IARS2: variants seen among roughly 807,000 people sequenced by gnomAD.
IARS2 encodes isoleucine--tRNA ligase, mitochondrial.
IARS2 carries 56 observed loss-of-function variants against 126.3 expected under a neutral mutation model. The ratio of observed to expected loss-of-function variants is 0.44; its 90% CI spans 0.36 to 0.55. IARS2 has a LOEUF of 0.55. IARS2 is among the 20% of genes least tolerant of loss of function. IARS2 has a pLI of 0.00. For synonymous variants in IARS2, 407 were observed against 441.1 expected (o/e 0.92, Z 0.97); for missense variants, 1,127 against 1,245.9 (o/e 0.90, Z 1.44).
chr1:220,123,396 A>G (rs1166208742), intron 12 of IARS2, among the ~76,000 whole-genome samples: 5 of 152,092 alleles, frequency 3.3e-5, no homozygotes, highest in East Asian at 1.9e-4. Flanking sequence ...TTTAAAATCT[A>G]TCCTTCATAG....
chr1:220,114,760 G>A (rs755858370), intron 12 of IARS2, among the ~76,000 whole-genome samples: 15 of 152,154 alleles, frequency 9.9e-5, no homozygotes, highest in Non-Finnish European at 2.2e-4. Context: ...GATGGACAGT[G>A]TTTAGCAGGG....
At chr1:220,098,178 C>T (rs1656488971) in intron 2 of IARS2, among the ~76,000 whole-genome samples, 1 of 152,194 alleles carries the variant, frequency 6.6e-6, no homozygotes, top group South Asian at 2.1e-4. Context: ...TGAGCCACTG[C>T]ACCCGGCCAA....
intron 12 of IARS2, 99 bp from the exon 13 acceptor site, chr1:220,125,138 A>G (rs1048109171): frequency 1.5e-4 from 95 of 639,160 alleles, no homozygotes; most frequent in Admixed American, 3.7e-4. Context: ...CTAAGGTTTG[A>G]GGAAAAAGGA....
chr1:220,127,340 T>C (rs992963281), intron 14 of IARS2, among the ~76,000 whole-genome samples: 1 of 152,216 alleles, frequency 6.6e-6, no homozygotes, highest in Non-Finnish European at 1.5e-5. Context: ...TTCTCCTCTC[T>C]GTACAAACAG....
At chr1:220,107,993 G>A (rs1656715787) in intron 10 of IARS2, among the ~76,000 whole-genome samples, 1 of 152,070 alleles carries the variant, frequency 6.6e-6, no homozygotes, top group Non-Finnish European at 1.5e-5. Context: ...CTGTGTCCTG[G>A]GTTCAAGTGA....
intron 7 of IARS2, 70 bp downstream of exon 7, chr1:220,102,847 ATTTAT>A (rs1291626776): frequency 2.3e-6 from 2 of 861,288 alleles, no homozygotes; most frequent in Non-Finnish European, 3.8e-6. Flanking sequence ...ATTATTTTGA[ATTTAT>A]TTTATCCTGT....
chr1:220,099,819 C>G (rs973484110), intron 2 of IARS2, among the ~76,000 whole-genome samples: 2 of 151,960 alleles, frequency 1.3e-5, no homozygotes, highest in Admixed American at 6.6e-5. Context: ...ATGTGACAAC[C>G]ACTCAGATCA....
At chr1:220,143,388 G>A (rs1051930827) in intron 21 of IARS2, 52 of 267,704 alleles carry the variant, frequency 1.9e-4, no homozygotes, top group Admixed American at 3.8e-4. Flanking sequence ...TAGGGTTTCC[G>A]TCTTCTAATC....
chr1:220,138,506 T>C (rs1657426357), intron 17 of IARS2, among the ~76,000 whole-genome samples: 1 of 152,030 alleles, frequency 6.6e-6, no homozygotes, highest in Admixed American at 6.6e-5. Flanking sequence ...ATTTATTTGT[T>C]TCAAAACATT....
At chr1:220,137,821 C>T in intron 16 of IARS2, 97 bp from the exon 17 acceptor site, 1 of 1,367,332 alleles carries the variant, frequency 7.3e-7, no homozygotes, top group South Asian at 1.2e-5. Flanking sequence ...TTACATTGTG[C>T]TCAAAAATAT....
chr1:220,140,094 T>A, intron 18 of IARS2, 89 bp from the exon 19 acceptor site: 1 of 737,506 alleles, frequency 1.4e-6, no homozygotes, highest in Non-Finnish European at 2.4e-6. Flanking sequence ...TTGAAACATA[T>A]TTTTGAAAGG....
intron 16 of IARS2, chr1:220,137,567 A>G (rs572731299): frequency 5.6e-6 from 1 of 179,214 alleles, no homozygotes; most frequent in African/African-American, 2.3e-5. Context: ...GGAAATAGTG[A>G]AAGGAAAAGC....
rs770592660 is a variant in IARS2, at chr1:220,094,202, A to T, written c.-15A>T. 6.5e-7 allele frequency: 1 copy of T among 1,544,612 alleles called. No individual in the cohort carries two copies. Among genetic ancestry groups the T allele is most frequent in the Non-Finnish European group, 8.7e-7 (1 of 1,148,988 alleles). On this transcript the variant is annotated 5_prime_UTR_variant, in exon 1 of 23. Coordinates refer to ENST00000366922, the MANE Select transcript of IARS2 (RefSeq NM_018060.4). ...GGCGGGAGCGGAGGACCCCGCTCTCAGGGGTTGCCGGACCATGCGTTGGGG... is the reference window on the plus strand; with the variant it reads ...GGCGGGAGCGGAGGACCCCGCTCTCTGGGGTTGCCGGACCATGCGTTGGGG...
chr1:220,142,875 T>C (rs1399723496), intron 20 of IARS2, 69 bp from the exon 21 acceptor site: 1 of 1,067,778 alleles, frequency 9.4e-7, no homozygotes, highest in Non-Finnish European at 1.3e-6. Context: ...GGTAACTATT[T>C]AATGGTTAGA....
At chr1:220,127,803 TTACTCTC>T (rs1175905563) in intron 14 of IARS2, among the ~76,000 whole-genome samples, 1 of 152,236 alleles carries the variant, frequency 6.6e-6, no homozygotes, top group Non-Finnish European at 1.5e-5. Flanking sequence ...AAATTCATGT[TTACTCTC>T]TATTACAAGT....
At chr1:220,105,582 A>G (rs933575623) in intron 8 of IARS2, among the ~76,000 whole-genome samples, 6 of 152,194 alleles carry the variant, frequency 3.9e-5, no homozygotes, top group African/African-American at 1.4e-4. Flanking sequence ...TTTCTTATCA[A>G]TTACTTAGAG....
intron 15 of IARS2, 117 bp from the exon 16 acceptor site, chr1:220,136,692 G>A: frequency 6.2e-6 from 3 of 481,252 alleles, no homozygotes; most frequent in South Asian, 8.1e-5. Context: ...TTCATAATCA[G>A]TCAAGAAAAA....
In IARS2 at chr1:220,118,334, A is replaced by G. The variant is rs1023149549; in HGVS notation, c.1640+3860A>G. The G allele has an allele frequency of 3.9e-5, 11 of 281,676 alleles. No individual in the cohort carries two copies. In the Admixed American group the frequency reaches 5.8e-4, roughly 15 times the overall value. The allele number at this position is 281,676 out of a possible 1,614,324, so 17.4% of individuals were successfully genotyped here. ...CACAGAAGAAAGTCTCGATTTATTC[A>G]TGTTCTAAATAAGTTTAGGGACTGG... On this transcript the variant is annotated intron_variant, in intron 12 of 22. Coordinates refer to ENST00000366922, the MANE Select transcript of IARS2 (RefSeq NM_018060.4).
chr1:220,137,875 A>G, intron 16 of IARS2, 43 bp from the exon 17 acceptor site: 1 of 1,609,700 alleles, frequency 6.2e-7, no homozygotes, highest in Non-Finnish European at 8.5e-7. Flanking sequence ...GCTAATTGGA[A>G]TTGAAAGCCA....
Sources: allele counts gnomAD v4.1 joint callset (sites outside exome capture counted in the v4.1 genomes callset), GRCh38; gene constraint gnomAD v4.1.1; transcripts MANE v1.5; gene names NCBI Gene and HGNC (gene_info 2026-07-23, HGNC 2026-07-21).